The following TMEM154 variants were observed in gnomAD, a reference collection of about 807,000 sequenced individuals.
TMEM154 encodes transmembrane protein 154.
A neutral mutation model predicts 24.5 loss-of-function variants in TMEM154; 27 were observed. That is an observed-to-expected ratio of 1.10 (90% confidence interval 0.81 to 1.52). The LOEUF (loss-of-function observed/expected upper bound fraction) is 1.52, where lower values mean the gene tolerates loss of function less well. Ranked by LOEUF, TMEM154 falls within the 40% of genes most tolerant of loss-of-function variation. The probability of loss-of-function intolerance (pLI) is 0.00; values close to 1 mark genes in which losing one functional copy is unlikely to be tolerated. For missense variants in TMEM154, 228 were observed against 213.4 expected, an observed-to-expected ratio of 1.07 and a Z score of -0.43; for synonymous variants, 67 against 76.8, an observed-to-expected ratio of 0.87 and a Z score of 0.67.
At chr4:152,628,583 AAAAAAAAAACAAAAAAAACAC>A in intron 6 of TMEM154, 22 bp from the exon 7 acceptor site, 2 of 1,116,298 alleles carry the variant, frequency 1.8e-6, no homozygotes, top group Non-Finnish European at 2.3e-6. Context: ...AAAAAAAAAA[AAAAAAAAAACAAAAAAAACAC>A]ACACACACAC....
chr4:152,641,096 C>T, intron 5 of TMEM154, 111 bp from the exon 6 acceptor site: 1 of 943,298 alleles, frequency 1.1e-6, no homozygotes. Flanking sequence ...GTTACTTGCA[C>T]AAAAATGGCC....
intron 1 of TMEM154, 165 bp downstream of exon 1, chr4:152,679,705 T>TC (rs1277212329): frequency 2.4e-6 from 1 of 416,448 alleles, no homozygotes; most frequent in African/African-American, 2.2e-5. Flanking sequence ...AAGTCCCCTC[T>TC]CCATCCCACC....
In TMEM154 at chr4:152,627,974, G is replaced by A. The variant is rs1435587478; in HGVS notation, c.*572C>T. Reference sequence around the variant, plus strand: ...TCACTGTGTCTTCTTGGCAGGCAGAGCTTACTGACCCCCTGGGATGGTGTA... The same window carrying A: ...TCACTGTGTCTTCTTGGCAGGCAGAACTTACTGACCCCCTGGGATGGTGTA... On this transcript the variant is annotated 3_prime_UTR_variant, in exon 7 of 7. Coordinates refer to ENST00000304385, the MANE Select transcript of TMEM154 (RefSeq NM_152680.3). 1 of 156,824 alleles carries A rather than the reference G, an allele frequency of 6.4e-6. No homozygotes were observed. The highest frequency in any genetic ancestry group is 1.4e-5 in the Non-Finnish European group (1 of 70,754). 9.7% of individuals were successfully genotyped at this position (156,824 alleles called of 1,614,324 possible).
rs998432597 is a variant in TMEM154 at position 152,619,091 on chromosome 4, T to G, written c.*9455A>C. 2 of 152,222 alleles carry G rather than the reference T, an allele frequency of 1.3e-5. No individual in the cohort carries two copies. The highest frequency in any genetic ancestry group is 2.9e-5 in the Non-Finnish European group (2 of 68,044). The allele number at this position is 152,222 out of a possible 1,614,324, so 9.4% of individuals were successfully genotyped here. A position where few individuals can be genotyped will look rare whatever the true frequency, so the allele number is the denominator to read the frequency against. ...AGGATACAGAGATGAGTAAGACTGA[T>G]CCCTATCCTCAAGGTGCTCAGTCTA... On this transcript the variant is annotated 3_prime_UTR_variant, in exon 7 of 7. Transcript: ENST00000304385.
intron 1 of TMEM154, among the ~76,000 whole-genome samples, chr4:152,658,130 A>G (rs1445284686): frequency 6.6e-6 from 1 of 152,220 alleles, no homozygotes; most frequent in South Asian, 2.1e-4. Context: ...AATAATAAGA[A>G]GAACTTTGGA....
At chr4:152,679,569 G>A (rs1041582591) in intron 1 of TMEM154, among the ~76,000 whole-genome samples, 3 of 151,608 alleles carry the variant, frequency 2.0e-5, no homozygotes, top group Non-Finnish European at 2.9e-5. Context: ...AAAAGTTTAT[G>A]GTTTTCTTAA....
At chr4:152,667,503 G>A (rs1289759926) in intron 1 of TMEM154, among the ~76,000 whole-genome samples, 1 of 152,174 alleles carries the variant, frequency 6.6e-6, no homozygotes, top group Non-Finnish European at 1.5e-5. Flanking sequence ...CTCTCTGGGA[G>A]CAGGACTCGA....
At chr4:152,638,029 G>C (rs1210940977) in intron 6 of TMEM154, among the ~76,000 whole-genome samples, 1 of 152,230 alleles carries the variant, frequency 6.6e-6, no homozygotes, top group Admixed American at 6.5e-5. Flanking sequence ...GGGAGGCCAA[G>C]GCAGCAGAAG....
In TMEM154 at chr4:152,639,093, G is replaced by C. The variant is rs112291255; in HGVS notation, c.536+1835C>G. Among the ~76,000 whole-genome samples the C allele has an allele frequency of 2.2e-3, 336 of 152,250 alleles. 4 individuals carry two copies. The highest frequency in any genetic ancestry group is 7.5e-3 in the African/African-American group (312 of 41,556). On this transcript the variant is annotated intron_variant, in intron 6 of 6. Transcript: ENST00000304385. Reference sequence around the variant, plus strand: ...AGCCTCCCAAGTAGCTGGGATTACAGGTGCCCGCCACAACGCCTGGCTAAT... The same window carrying C: ...AGCCTCCCAAGTAGCTGGGATTACACGTGCCCGCCACAACGCCTGGCTAAT...
chr4:152,629,486 A>G (rs1238722433), intron 6 of TMEM154, among the ~76,000 whole-genome samples: 1 of 152,214 alleles, frequency 6.6e-6, no homozygotes, highest in Non-Finnish European at 1.5e-5. Flanking sequence ...GTCTTTGCCA[A>G]GTACCTGGCT....
chr4:152,628,584 AAAAAAAAACAAAAAAAAC>A, intron 6 of TMEM154, 23 bp from the exon 7 acceptor site: 56 of 1,113,590 alleles, frequency 5.0e-5, no homozygotes, highest in Non-Finnish European at 5.5e-5. Context: ...AAAAAAAAAA[AAAAAAAAACAAAAAAAAC>A]ACACACACAC....
intron 6 of TMEM154, among the ~76,000 whole-genome samples, chr4:152,633,152 A>G (rs528110837): frequency 6.6e-6 from 1 of 152,180 alleles, no homozygotes; most frequent in South Asian, 2.1e-4. Context: ...GACACTGTCC[A>G]TCAACAAGAA....
At chr4:152,651,285 T>TGA (rs1168021944) in intron 3 of TMEM154, among the ~76,000 whole-genome samples, 1 of 152,048 alleles carries the variant, frequency 6.6e-6, no homozygotes, top group Non-Finnish European at 1.5e-5. Flanking sequence ...CCCATAGTGC[T>TGA]GAGATTACAG....
intron 6 of TMEM154, among the ~76,000 whole-genome samples, chr4:152,634,692 T>C (rs1174967980): frequency 6.6e-6 from 1 of 152,238 alleles, no homozygotes; most frequent in Non-Finnish European, 1.5e-5. Flanking sequence ...CATCTGTGTT[T>C]TAATAATATT....
chr4:152,658,224 A>T (rs1209094655), intron 1 of TMEM154, among the ~76,000 whole-genome samples: 2 of 152,188 alleles, frequency 1.3e-5, no homozygotes, highest in Non-Finnish European at 2.9e-5. Context: ...AAATTTTTTA[A>T]AAAAGGCTTG....
intron 1 of TMEM154, among the ~76,000 whole-genome samples, chr4:152,660,711 A>G (rs1036730567): frequency 6.6e-6 from 1 of 152,170 alleles, no homozygotes; most frequent in Non-Finnish European, 1.5e-5. Flanking sequence ...GTTTGGCCAT[A>G]AAGTGGTGAA....
At chr4:152,652,609 G>A (rs754895211) in intron 2 of TMEM154, 33 bp from the exon 3 acceptor site, 1 of 1,613,308 alleles carries the variant, frequency 6.2e-7, no homozygotes, top group Non-Finnish European at 8.5e-7. Context: ...TTGTTTTATT[G>A]ATTGTTCACT....
Position 152,618,829 on chromosome 4 carries a change from A to G in TMEM154, c.*9717T>C, listed in dbSNP as rs2149774300. The G allele has an allele frequency of 6.6e-6, 1 of 152,380 alleles. No individual in the cohort carries two copies. The highest frequency in any genetic ancestry group is 2.1e-4 in the South Asian group (1 of 4,830). The allele number at this position is 152,380 out of a possible 1,614,324, so 9.4% of individuals were successfully genotyped here. ...AATACACACAATAGGACAATATGAA[A>G]TAAAGATAAAGAATGACATCAGGAT... On this transcript the variant is annotated 3_prime_UTR_variant, in exon 7 of 7. Transcript: ENST00000304385.
At chr4:152,659,600 A>G (rs2149786831) in intron 1 of TMEM154, among the ~76,000 whole-genome samples, 1 of 152,330 alleles carries the variant, frequency 6.6e-6, no homozygotes, top group Non-Finnish European at 1.5e-5. Context: ...TATAGATTCT[A>G]TCCATGCAAC....
Sources: allele counts gnomAD v4.1 joint callset (sites outside exome capture counted in the v4.1 genomes callset), GRCh38; gene constraint gnomAD v4.1.1; transcripts MANE v1.5; gene names NCBI Gene and HGNC (gene_info 2026-07-23, HGNC 2026-07-21).